The following DIAPH2 variants were observed in gnomAD, a reference collection of about 807,000 sequenced individuals.
DIAPH2 encodes the protein diaphanous related formin 2, also known as protein diaphanous homolog 2.
In DIAPH2, 35 loss-of-function variants were observed where a neutral mutation model predicts 92.7. The observed-to-expected ratio is 0.38, with a 90% CI of 0.29 to 0.50. DIAPH2 has a LOEUF of 0.50. DIAPH2 is among the 20% of genes least tolerant of loss of function. The pLI is 0.94. For missense variants in DIAPH2, 701 were observed against 819.5 expected, an observed-to-expected ratio of 0.86 and a Z score of 1.77; for synonymous variants, 301 against 280.4, an observed-to-expected ratio of 1.07 and a Z score of -0.73.
At chrX:97,274,864 C>T (rs1164123662) in intron 23 of DIAPH2, among the ~76,000 whole-genome samples, 2 of 110,806 alleles carry the variant, frequency 1.8e-5, no homozygotes. Flanking sequence ...ATGCTGCCTT[C>T]AAGCATCTGT....
chrX:96,888,489 A>G (rs916745650), intron 5 of DIAPH2, among the ~76,000 whole-genome samples: 4 of 104,931 alleles, frequency 3.8e-5, no homozygotes, highest in Non-Finnish European at 7.7e-5. Context: ...TATAACACAG[A>G]TATATATCTC....
chrX:96,715,517 G>T (rs976403728), intron 1 of DIAPH2, among the ~76,000 whole-genome samples: 4 of 111,530 alleles, frequency 3.6e-5, no homozygotes, highest in Admixed American at 9.5e-5. Context: ...ACTCTTTATG[G>T]CTGGATTATA....
At chrX:96,887,583 T>G (rs2147755075) in intron 5 of DIAPH2, among the ~76,000 whole-genome samples, 1 of 111,945 alleles carries the variant, frequency 8.9e-6, no homozygotes, top group East Asian at 2.8e-4. Flanking sequence ...TATTTGAAAG[T>G]GTTTTCAAGG....
intron 26 of DIAPH2, among the ~76,000 whole-genome samples, chrX:97,572,718 T>TTTA (rs1219746092): frequency 8.9e-6 from 1 of 112,205 alleles, no homozygotes; most frequent in Non-Finnish European, 1.9e-5. Flanking sequence ...TGCAAAGCAT[T>TTTA]TTATTTGCCC....
chrX:97,198,430 T>C (rs2067721796), intron 22 of DIAPH2, among the ~76,000 whole-genome samples: 1 of 110,794 alleles, frequency 9.0e-6, no homozygotes, highest in African/African-American at 3.3e-5. Flanking sequence ...ACAGAAGTTT[T>C]TCTATGAAAA....
intron 25 of DIAPH2, among the ~76,000 whole-genome samples, chrX:97,394,680 A>T (rs1271423611): frequency 8.9e-6 from 1 of 111,971 alleles, no homozygotes; most frequent in Non-Finnish European, 1.9e-5. Flanking sequence ...ATATCGTGTC[A>T]TGCTGCTGCC....
intron 26 of DIAPH2, among the ~76,000 whole-genome samples, chrX:97,533,684 C>A (rs755437760): frequency 4.0e-4 from 44 of 111,203 alleles, no homozygotes; most frequent in African/African-American, 1.3e-3. Context: ...AACTAATAAG[C>A]AATCTGTGGA....
At chrX:97,339,781 T>A (rs2069097339) in intron 23 of DIAPH2, among the ~76,000 whole-genome samples, 1 of 111,850 alleles carries the variant, frequency 8.9e-6, no homozygotes, top group Non-Finnish European at 1.9e-5. Context: ...ATCAGAAATA[T>A]TTGTCTTTGT....
At chrX:96,810,236 T>A (rs906741315) in intron 4 of DIAPH2, among the ~76,000 whole-genome samples, 4 of 112,440 alleles carry the variant, frequency 3.6e-5, no homozygotes, top group African/African-American at 9.7e-5. Flanking sequence ...GGTATCTCAT[T>A]GTGGTTTTGA....
At chrX:96,933,665 G>A (rs1269914753) in intron 10 of DIAPH2, among the ~76,000 whole-genome samples, 4 of 106,557 alleles carry the variant, frequency 3.8e-5, no homozygotes, top group African/African-American at 1.0e-4. Flanking sequence ...GTGCAGTGGC[G>A]TGATCTTGGC....
chrX:96,878,522 C>T (rs752557449), intron 4 of DIAPH2, among the ~76,000 whole-genome samples: 2 of 111,866 alleles, frequency 1.8e-5, no homozygotes, highest in South Asian at 7.5e-4. Flanking sequence ...TGGTAAAAAG[C>T]ATCTGTTCTA....
chrX:97,307,453 T>C (rs952657987), intron 23 of DIAPH2, among the ~76,000 whole-genome samples: 12 of 112,128 alleles, frequency 1.1e-4, no homozygotes, highest in African/African-American at 3.9e-4. Context: ...TTAAGTGTGA[T>C]TTATAGACAA....
At chrX:97,044,835 T>C (rs1179099849) in intron 17 of DIAPH2, among the ~76,000 whole-genome samples, 1 of 111,321 alleles carries the variant, frequency 9.0e-6, no homozygotes, top group Non-Finnish European at 1.9e-5. Flanking sequence ...TTAGTCACTG[T>C]CTTACATTGT....
intron 1 of DIAPH2, among the ~76,000 whole-genome samples, chrX:96,728,764 C>G (rs2064037143): frequency 8.9e-6 from 1 of 112,539 alleles, no homozygotes; most frequent in African/African-American, 3.2e-5. Context: ...TTGTATTTGT[C>G]TAAATCTAGC....
At chrX:96,693,839 A>C (rs1796375628) in intron 1 of DIAPH2, among the ~76,000 whole-genome samples, 1 of 112,345 alleles carries the variant, frequency 8.9e-6, no homozygotes, top group South Asian at 3.7e-4. Flanking sequence ...GTTTGAGACC[A>C]GCCTGGCCAA....
At chrX:97,106,855 G>C (rs1483014533) in intron 20 of DIAPH2, among the ~76,000 whole-genome samples, 1 of 112,042 alleles carries the variant, frequency 8.9e-6, no homozygotes, top group Non-Finnish European at 1.9e-5. Context: ...TCGTTTGAAC[G>C]TGAGAGGCGG....
rs971672132 is a variant in DIAPH2 at position 96,975,277 on chromosome X, T to A, written c.2050+10070T>A. 2.7e-5 allele frequency among the ~76,000 whole-genome samples: 3 copies of A among 111,796 alleles called. No individual in the cohort carries two copies. In the East Asian group the frequency reaches 8.5e-4, roughly 32 times the overall value. On this transcript the variant is annotated intron_variant, in intron 17 of 26. Transcript: ENST00000324765. The stretch of plus-strand genomic sequence containing the variant: ...TGGCTGCTTCTGAAGACACCCACCC[T>A]TGCTTGGTTGCTCAATACAGTCTTC...
At chrX:96,760,839 G>A (rs1376599977) in intron 4 of DIAPH2, among the ~76,000 whole-genome samples, 2 of 111,304 alleles carry the variant, frequency 1.8e-5, no homozygotes, top group Non-Finnish European at 3.8e-5. Context: ...TTGTGTGAAT[G>A]TTAAAGGAAA....
intron 23 of DIAPH2, among the ~76,000 whole-genome samples, chrX:97,270,516 T>A (rs1044001019): frequency 1.8e-5 from 2 of 111,964 alleles, no homozygotes; most frequent in African/African-American, 6.5e-5. Flanking sequence ...ACAAGGATGC[T>A]ATACTGCTTC....
Sources: allele counts gnomAD v4.1 joint callset (sites outside exome capture counted in the v4.1 genomes callset), GRCh38; gene constraint gnomAD v4.1.1; transcripts MANE v1.5; gene names NCBI Gene and HGNC (gene_info 2026-07-23, HGNC 2026-07-21).